The following LAMA2 variants were observed in gnomAD, a reference collection of about 807,000 sequenced individuals.
LAMA2 encodes laminin subunit alpha 2.
Under a neutral mutation model 364.8 loss-of-function variants are expected in LAMA2, and 269 were observed. The ratio of observed to expected loss-of-function variants is 0.74; its 90% CI spans 0.67 to 0.82. LAMA2 has a LOEUF of 0.82. Among genes scored for constraint, LAMA2 ranks in the 40% least tolerant of loss-of-function variants. LAMA2 has a pLI of 0.00. For missense variants in LAMA2, 3,807 were observed against 3,873.2 expected (o/e 0.98, Z 0.45); for synonymous variants, 1,379 against 1,370.6 (o/e 1.01, Z -0.14).
chr6:129,295,324 A>C (rs1466196478), intron 20 of LAMA2, among the ~76,000 whole-genome samples: 1 of 152,198 alleles, frequency 6.6e-6, no homozygotes, highest in East Asian at 1.9e-4. Context: ...CAATATATGA[A>C]TGCTAGTTCT....
intron 1 of LAMA2, among the ~76,000 whole-genome samples, chr6:128,928,803 A>G (rs9492139): frequency 0.011 from 1,702 of 152,372 alleles, 31 homozygotes; most frequent in African/African-American, 0.039. Flanking sequence ...TATTATGTCA[A>G]CCTTAGTCAG....
intron 22 of LAMA2, among the ~76,000 whole-genome samples, chr6:129,311,026 T>A (rs1284538362): frequency 6.6e-6 from 1 of 152,106 alleles, no homozygotes; most frequent in African/African-American, 2.4e-5. Context: ...GAAGGGTGCC[T>A]ATGGAGAGAC....
At chr6:129,156,908 G>T (rs1432639580) in intron 8 of LAMA2, among the ~76,000 whole-genome samples, 1 of 152,002 alleles carries the variant, frequency 6.6e-6, no homozygotes, top group Non-Finnish European at 1.5e-5. Flanking sequence ...CAAAACCACC[G>T]GCCACCAATA....
chr6:128,883,853 G>T (rs555694640), intron 1 of LAMA2, among the ~76,000 whole-genome samples: 1 of 146,688 alleles, frequency 6.8e-6, no homozygotes, highest in East Asian at 2.0e-4. Flanking sequence ...TATATATAAA[G>T]TTTTACAGAA....
At chr6:129,416,427 C>T (rs1780792639) in intron 40 of LAMA2, among the ~76,000 whole-genome samples, 1 of 151,732 alleles carries the variant, frequency 6.6e-6, no homozygotes, top group African/African-American at 2.4e-5. Flanking sequence ...TTTGCTTTCT[C>T]CATGGGAAAG....
At chr6:129,151,740 AACTC>A (rs771455841) in intron 7 of LAMA2, among the ~76,000 whole-genome samples, 1 of 152,106 alleles carries the variant, frequency 6.6e-6, no homozygotes, top group Non-Finnish European at 1.5e-5. Flanking sequence ...ATCTTGTACG[AACTC>A]ACTCACTATC....
At chr6:129,143,839 AAC>A in intron 4 of LAMA2, 60 bp from the exon 5 acceptor site, 1 of 1,251,738 alleles carries the variant, frequency 8.0e-7, no homozygotes, top group Non-Finnish European at 1.1e-6. Flanking sequence ...AAGAAAAAGA[AAC>A]AAAATCAATA....
At chr6:128,940,310 T>C (rs1024577435) in intron 1 of LAMA2, among the ~76,000 whole-genome samples, 5 of 152,152 alleles carry the variant, frequency 3.3e-5, no homozygotes, top group African/African-American at 1.2e-4. Flanking sequence ...CACATCCCTT[T>C]ATTAGGGGTA....
chr6:129,353,378 G>C, intron 32 of LAMA2, 21 bp downstream of exon 32: 8 of 1,603,640 alleles, frequency 5.0e-6, no homozygotes, highest in Non-Finnish European at 6.8e-6. Flanking sequence ...TAACTTTGCT[G>C]TTAGTTTTGG....
chr6:129,303,002 A>G (rs1773642515), intron 22 of LAMA2, among the ~76,000 whole-genome samples: 1 of 152,164 alleles, frequency 6.6e-6, no homozygotes, highest in Admixed American at 6.5e-5. Flanking sequence ...AAAGCCTGCT[A>G]GGATTTGGCT....
At chr6:129,007,639 C>G (rs1233741777) in intron 1 of LAMA2, among the ~76,000 whole-genome samples, 1 of 152,130 alleles carries the variant, frequency 6.6e-6, no homozygotes, top group East Asian at 1.9e-4. Flanking sequence ...AGTAACTAGT[C>G]TTACATTTTC....
chr6:128,896,157 G>T (rs73773537), intron 1 of LAMA2, among the ~76,000 whole-genome samples: 4,067 of 152,000 alleles, frequency 0.027, 196 homozygotes, highest in African/African-American at 0.093. Flanking sequence ...AAATTGTGCA[G>T]AACTTTTTAG....
intron 34 of LAMA2, among the ~76,000 whole-genome samples, chr6:129,380,155 T>C (rs1276416375): frequency 6.6e-6 from 1 of 152,136 alleles, no homozygotes; most frequent in Admixed American, 6.5e-5. Context: ...TGTGCTAGAA[T>C]AGGTAAGGAG....
chr6:128,982,857 C>T lies in LAMA2; in HGVS notation c.113-67061C>T, dbSNP rs551222019. ...ATTCCCACCTATGAGTGAGAACATG[C>T]GGTGTTTGGTTTTTTGTCCTTGTGA... On this transcript the variant is annotated intron_variant, in intron 1 of 64. Transcript: ENST00000421865. Among the ~76,000 whole-genome samples the T allele has an allele frequency of 2.4e-3, 351 of 146,922 alleles. 3 individuals are homozygous for T. Among genetic ancestry groups the T allele is most frequent in the African/African-American group, 8.2e-3 (324 of 39,548 alleles).
Position 129,514,357 on chromosome 6 carries a change from A to G in LAMA2, c.8989-16A>G. On this transcript the variant is annotated splice_polypyrimidine_tract_variant and intron_variant, in intron 63 of 64. Coordinates refer to ENST00000421865, the MANE Select transcript of LAMA2 (RefSeq NM_000426.4). ...TAATGAAACCATCTGTGACTGTTCT[A>G]TTTCCTACTTTCCAGTTGATGTTTC... 6.4e-7 allele frequency: 1 copy of G among 1,574,044 alleles called. No individual in the cohort carries two copies. Among genetic ancestry groups the G allele is most frequent in the East Asian group, 2.2e-5 (1 of 44,634 alleles).
At chr6:129,022,561 C>G (rs1315970572) in intron 1 of LAMA2, among the ~76,000 whole-genome samples, 1 of 152,124 alleles carries the variant, frequency 6.6e-6, no homozygotes, top group Non-Finnish European at 1.5e-5. Context: ...AAAAATAGTA[C>G]TTTGACATAG....
At chr6:129,158,607 CT>C in intron 8 of LAMA2, 1 of 1,614,086 alleles carries the variant, frequency 6.2e-7, no homozygotes, top group Non-Finnish European at 8.5e-7. Flanking sequence ...ACAAAAGCAG[CT>C]GGAGAAGATG....
intron 4 of LAMA2, among the ~76,000 whole-genome samples, chr6:129,131,974 C>T (rs1359592124): frequency 6.6e-6 from 1 of 152,132 alleles, no homozygotes; most frequent in Non-Finnish European, 1.5e-5. Flanking sequence ...CCGCTTCTCA[C>T]AAACTACTCC....
intron 28 of LAMA2, among the ~76,000 whole-genome samples, chr6:129,325,268 G>T (rs1775204039): frequency 6.6e-6 from 1 of 152,146 alleles, no homozygotes; most frequent in South Asian, 2.1e-4. Context: ...GAGAACTTTG[G>T]AAAAGTTTAA....
Sources: allele counts gnomAD v4.1 joint callset (sites outside exome capture counted in the v4.1 genomes callset), GRCh38; gene constraint gnomAD v4.1.1; transcripts MANE v1.5; gene names NCBI Gene and HGNC (gene_info 2026-07-23, HGNC 2026-07-21).